ACY1: variants seen among roughly 807,000 people sequenced by gnomAD.
ACY1 encodes aminoacylase 1.
Under a neutral mutation model 53.3 loss-of-function variants are expected in ACY1, and 38 were observed. That is an observed-to-expected ratio of 0.71 (90% confidence interval 0.55 to 0.93). The LOEUF (loss-of-function observed/expected upper bound fraction) is 0.93, where lower values mean the gene tolerates loss of function less well. ACY1 is among the 40% of genes least tolerant of loss of function. ACY1 has a pLI of 0.00. For missense variants in ACY1, 484 were observed against 540.9 expected, an observed-to-expected ratio of 0.89 and a Z score of 1.04; for synonymous variants, 177 against 202.1, an observed-to-expected ratio of 0.88 and a Z score of 1.05.
At chr3:51,984,309 G>C in intron 2 of ACY1, 151 bp downstream of exon 2, 1 of 727,462 alleles carries the variant, frequency 1.4e-6, no homozygotes, top group Non-Finnish European at 2.4e-6. Context: ...CAAGTAAATA[G>C]ACTGAGGCAG....
In ACY1 at chr3:51,985,405, C is replaced by G. The variant is rs1180053247; in HGVS notation, c.204C>G (p.Thr68=). The change falls in exon 4 of 15, where the codon ACC becomes ACG. Residue 68 remains threonine, a synonymous_variant. Transcript: ENST00000636358. ...TGACCGTGTTGACCTGGCCAGGCAC[C>G]AACCCTACACTCTCCTCCATCTTGC... ...YVVTVLTWPG[T]NPTLSSILLN... is the part of the protein sequence containing the mutation. The G allele has an allele frequency of 1.2e-6, 2 of 1,614,072 alleles. No homozygotes were observed. The highest frequency in any genetic ancestry group is 3.3e-5 in the Admixed American group (2 of 60,018).
chr3:51,984,266 C>T, intron 2 of ACY1, 108 bp downstream of exon 2: 3 of 1,011,472 alleles, frequency 3.0e-6, no homozygotes, highest in Non-Finnish European at 4.5e-6. Context: ...CTCTGCTGTC[C>T]CAAATGGCTC....
intron 2 of ACY1, chr3:51,984,788 C>T (rs1700998101): frequency 3.8e-6 from 1 of 262,594 alleles, no homozygotes; most frequent in South Asian, 3.9e-5. Context: ...TCACTCCTGC[C>T]TTGGTGACAG....
At chr3:51,984,841 A>G (rs79588843) in intron 2 of ACY1, 16 of 236,088 alleles carry the variant, frequency 6.8e-5, no homozygotes, top group South Asian at 1.7e-4. Flanking sequence ...AAAGGAAAAG[A>G]AAAAAAAAAA....
chr3:51,983,697 CT>C (rs11442467), intron 1 of ACY1, 108 bp downstream of exon 1: 30,634 of 232,364 alleles, frequency 0.13, 1,358 homozygotes, highest in African/African-American at 0.26. Context: ...TTGTTTTTGC[CT>C]TTTTTTTTTT....
chr3:51,986,153 A>G, intron 5 of ACY1, 102 bp from the exon 6 acceptor site: 4 of 1,269,266 alleles, frequency 3.2e-6, no homozygotes, highest in Non-Finnish European at 4.5e-6. Context: ...AGGGTGTGGC[A>G]GGGTAAAGTC....
chr3:51,986,695 C>T (rs776923612), intron 8 of ACY1, 34 bp downstream of exon 8: 2 of 1,611,292 alleles, frequency 1.2e-6, no homozygotes, highest in East Asian at 2.2e-5. Context: ...GCTCACTCTA[C>T]AGGCGGGAGG....
In ACY1 at chr3:51,988,747, C is replaced by T; in HGVS notation, c.1002-19C>T. ...CTTCGCTTTCTCCCTCCCCATTCAT[C>T]AGGCTCTTTCTCCTACAGGAACCTC... On this transcript the variant is annotated intron_variant, in intron 13 of 14. Transcript: ENST00000636358. 1 of 1,613,924 alleles carries T rather than the reference C, an allele frequency of 6.2e-7. No homozygotes were observed.
intron 8 of ACY1, 69 bp from the exon 9 acceptor site, chr3:51,986,919 C>T (rs1174238837): frequency 6.5e-7 from 1 of 1,529,604 alleles, no homozygotes; most frequent in Non-Finnish European, 9.0e-7. Context: ...AGACCTGGGC[C>T]CACCCCAGGC....
chr3:51,986,945 C>T (rs1323246138), intron 8 of ACY1, 43 bp from the exon 9 acceptor site: 7 of 1,599,880 alleles, frequency 4.4e-6, no homozygotes, highest in Non-Finnish European at 6.0e-6. Flanking sequence ...GTGTCTCCAG[C>T]CCCTCAGGCT....
chr3:51,987,456 GCCACCT>G lies in ACY1; in HGVS notation c.852+10_852+15del. 6.2e-7 allele frequency: 1 copy of G among 1,614,182 alleles called. No homozygotes were observed. Among genetic ancestry groups the G allele is most frequent in the South Asian group, 1.1e-5 (1 of 91,088 alleles). ...TGGCACCGGATGTGGACTTCAAGGT[GCCACCT>G]CCACCTGGGTTTGGAGGAGGGATCC... On this transcript the variant is annotated splice_donor_5th_base_variant and intron_variant, in intron 11 of 14. Transcript: ENST00000636358.
In ACY1 at chr3:51,986,604, G is replaced by C. The variant is rs766679229; in HGVS notation, c.527-1G>C. On this transcript the variant is annotated splice_acceptor_variant, in intron 7 of 14. Transcript: ENST00000636358. LOFTEE classifies it high-confidence loss of function. ...CCTCTGAACCCCCTTTCCCTCCTCA[G>C]GCATAGCCAATCCCACTGATGCCTT... The C allele has an allele frequency of 6.2e-7, 1 of 1,614,044 alleles. No homozygotes were observed. The highest frequency in any genetic ancestry group is 1.3e-5 in the African/African-American group (1 of 74,920).
At chr3:51,986,794 GCTC>G in intron 8 of ACY1, 133 bp downstream of exon 8, 1 of 1,329,452 alleles carries the variant, frequency 7.5e-7, no homozygotes, top group South Asian at 1.2e-5. Flanking sequence ...CTACCTCCCA[GCTC>G]TTTCCTATCT....
In ACY1 at chr3:51,987,169, T is replaced by C; in HGVS notation, c.680T>C (p.Leu227Pro). Residue 227 changes from leucine to proline, a missense_variant, in exon 10 of 15, where the codon CTG (leucine) becomes CCG (proline). Physicochemically the swap from Leu to Pro is moderately conservative, Grantham distance 98 (BLOSUM62 -3). Transcript: ENST00000636358. ...EKLHKVVNSI[L>P]AFREKEWQRL... Reference sequence around the variant, plus strand: ...TAGCACAAGGTTGTAAACTCCATCCTGGCATTCCGGGAGAAGGAATGGCAG... The same window carrying C: ...TAGCACAAGGTTGTAAACTCCATCCCGGCATTCCGGGAGAAGGAATGGCAG... 1 of 1,614,174 alleles carries C rather than the reference T, an allele frequency of 6.2e-7. No individual in the cohort carries two copies. Among genetic ancestry groups the C allele is most frequent in the Non-Finnish European group, 8.5e-7 (1 of 1,180,016 alleles).
At chr3:51,987,122 C>A in intron 9 of ACY1, 25 bp from the exon 10 acceptor site, 1 of 1,614,120 alleles carries the variant, frequency 6.2e-7, no homozygotes, top group Non-Finnish European at 8.5e-7. Context: ...AGGCCACTGT[C>A]CCATTTAACC....
chr3:51,983,697 C>CT (rs11442467), intron 1 of ACY1, 108 bp downstream of exon 1: 3,101 of 234,278 alleles, frequency 0.013, no homozygotes, highest in South Asian at 0.023. Context: ...TTGTTTTTGC[C>CT]TTTTTTTTTT....
chr3:51,984,133 C>A lies in ACY1; in HGVS notation c.69C>A (p.Arg23=). Residue 23 remains arginine (R), a synonymous_variant, in exon 2 of 15, where the codon CGC becomes CGA. Transcript: ENST00000636358. ...TCTTCCGCCAGTACCTGCGTATCCGCACTGTCCAGCCCAAGCCTGACTATG... is the reference window on the plus strand; with the variant it reads ...TCTTCCGCCAGTACCTGCGTATCCGAACTGTCCAGCCCAAGCCTGACTATG... ...VTLFRQYLRI[R]TVQPKPDYGA... is the part of the protein sequence containing the mutation. The A allele has an allele frequency of 6.2e-7, 1 of 1,614,014 alleles. No individual in the cohort carries two copies. Among genetic ancestry groups the A allele is most frequent in the South Asian group, 1.1e-5 (1 of 91,086 alleles).
chr3:51,988,501 C>T, intron 12 of ACY1, 23 bp from the exon 13 acceptor site: 1 of 1,609,722 alleles, frequency 6.2e-7, no homozygotes, highest in Non-Finnish European at 8.5e-7. Flanking sequence ...TGTCCTGATC[C>T]TGCCATTCTT....
At chr3:51,988,479 T>C in intron 12 of ACY1, 45 bp from the exon 13 acceptor site, 1 of 1,574,820 alleles carries the variant, frequency 6.3e-7, no homozygotes, top group Middle Eastern at 1.7e-4. Context: ...TAGGGCAAGA[T>C]GCCCAGGCCC....
Sources: gnomAD v4.1 joint callset for allele counts on GRCh38, gnomAD v4.1.1 for gene constraint, MANE v1.5 for transcripts, NCBI Gene and HGNC (gene_info 2026-07-23, HGNC 2026-07-21) for gene names.